The following MYH7 variants were observed in gnomAD, a reference collection of about 807,000 sequenced individuals.
The protein encoded by MYH7 is myosin heavy chain 7.
In MYH7, 129 loss-of-function variants were observed where a neutral mutation model predicts 225.4. The observed-to-expected ratio is 0.57, with a 90% confidence interval of 0.50 to 0.66. The LOEUF (loss-of-function observed/expected upper bound fraction) is 0.66, where lower values mean the gene tolerates loss of function less well. Among genes scored for constraint, MYH7 ranks in the 30% least tolerant of loss-of-function variants. MYH7 has a pLI of 0.00. For synonymous variants in MYH7, 971 were observed against 1,007.6 expected (o/e 0.96, Z 0.69); for missense variants, 1,649 against 2,517.0 (o/e 0.66, Z 7.38).
Position 23,425,633 on chromosome 14 carries a change from G to A in MYH7, c.2286+62C>T. The A allele has an allele frequency of 1.2e-6, 2 of 1,612,008 alleles. No homozygotes were observed. The highest frequency in any genetic ancestry group is 1.7e-6 in the Non-Finnish European group (2 of 1,178,752). On this transcript the variant is annotated intron_variant, in intron 20 of 39. Coordinates refer to ENST00000355349, the MANE Select transcript of MYH7 (RefSeq NM_000257.4). The surrounding 1 kb of genome is among the most constrained non-coding windows in gnomAD (Gnocchi z 4.6). ...TGCTAAGATGATTACAACAGGAAAA[G>A]CATCAGAGGAGTCAATGGAAAAGAG...
At position 23,424,766 on chromosome 14, in the gene MYH7, C is replaced by T. The variant is rs553486562; in HGVS notation, c.2679+3G>A. ...AGAGCCAACAGTAGCCCAGGAGCCTCACCGCCTGCACTTGGAGCTGCAGGT... is the reference window on the plus strand; with the variant it reads ...AGAGCCAACAGTAGCCCAGGAGCCTTACCGCCTGCACTTGGAGCTGCAGGT... On this transcript the variant is annotated splice_donor_region_variant and intron_variant, in intron 22 of 39. Coordinates refer to ENST00000355349, the MANE Select transcript of MYH7 (RefSeq NM_000257.4). 1 of 1,614,084 alleles carries T rather than the reference C, an allele frequency of 6.2e-7. No individual in the cohort carries two copies. Among genetic ancestry groups the T allele is most frequent in the Admixed American group, 1.7e-5 (1 of 60,028 alleles).
intron 33 of MYH7, 95 bp from the exon 34 acceptor site, chr14:23,416,407 A>C: frequency 7.3e-7 from 1 of 1,366,460 alleles, no homozygotes; most frequent in South Asian, 1.3e-5. Flanking sequence ...AAGTGACTTC[A>C]AGAGTGGTGT....
Position 23,433,566 on chromosome 14 carries a change from C to T in MYH7, c.167G>A (p.Gly56Asp). The T allele has an allele frequency of 6.2e-7, 1 of 1,614,198 alleles. No homozygotes were observed. The part of the protein sequence containing the change: ...FVKAKIVSRE[G>D]GKVTAETEYG... ...CTCGGTCTCGGCAGTGACTTTGCCA[C>T]CCTCTCGAGACACGATCTTGGCCTT... is the stretch of plus-strand genomic sequence containing the variant. The change falls in exon 3 of 40, where the codon GGT (glycine) becomes GAT (aspartate). Residue 56 changes from glycine (G) to aspartate (D), a missense_variant. Gly to Asp is a moderately conservative substitution (Grantham distance 94, BLOSUM62 -1). Around this residue, in one of 12 missense-constraint regions of MYH7, gnomAD observed 91 missense variants for 96.5 expected, o/e 0.94. Transcript: ENST00000355349. The surrounding 1 kb of genome is among the most constrained non-coding windows in gnomAD (Gnocchi z 4.1).
intron 29 of MYH7, among the ~76,000 whole-genome samples, chr14:23,418,891 C>T (rs1247349230): frequency 6.6e-6 from 1 of 152,218 alleles, no homozygotes; most frequent in Non-Finnish European, 1.5e-5. Context: ...TGTGCAGTCC[C>T]TACATCCCCT....
chr14:23,419,507 G>T lies in MYH7; in HGVS notation c.3829C>A (p.Arg1277=), dbSNP rs727503248. ...QRSVNDLTSQ[R]AKLQTENGEL... is the part of the protein sequence containing the mutation. ...CCATTCTCGGTTTGCAACTTGGCCC[G>T]CTGGCTGGTGAGGTCGTTGACAGAA... Residue 1277 remains arginine (R), a synonymous_variant, in exon 28 of 40, where the codon CGG becomes AGG. Coordinates refer to ENST00000355349, the MANE Select transcript of MYH7 (RefSeq NM_000257.4). 1.1e-5 allele frequency: 18 copies of T among 1,613,938 alleles called. No homozygotes were observed. The South Asian group carries it at 1.6e-4, about 15-fold the overall frequency.
chr14:23,427,495 A>G (rs1201640342), intron 16 of MYH7, 90 bp downstream of exon 16: 4 of 1,535,658 alleles, frequency 2.6e-6, no homozygotes, highest in Non-Finnish European at 3.6e-6. Context: ...ACAACCTGAC[A>G]TTGAAGTGGT....
Position 23,422,318 on chromosome 14 carries a change from C to T in MYH7, c.3107G>A (p.Gly1036Glu), listed in dbSNP as rs1000681552. The change falls in exon 25 of 40, where the codon GGA (glycine) becomes GAA (glutamate). Residue 1036 changes from glycine to glutamate, a missense_variant. This residue lies in a region of MYH7 where 282 missense variants were observed against 315.3 expected (regional missense o/e 0.89). Transcript: ENST00000355349. ...KLEQQVDDLE[G>E]SLEQEKKVRM... ...CACCTTCTTCTCTTGCTCCAGGGATCCTTCCAGCTGGTAGAGAGAAGGAGC... is the reference window on the plus strand; with the variant it reads ...CACCTTCTTCTCTTGCTCCAGGGATTCTTCCAGCTGGTAGAGAGAAGGAGC... 6.2e-6 allele frequency: 10 copies of T among 1,614,062 alleles called. No individual in the cohort carries two copies. Among genetic ancestry groups the T allele is most frequent in the Non-Finnish European group, 8.5e-6 (10 of 1,180,046 alleles).
chr14:23,430,093 T>C (rs1371000441), intron 11 of MYH7, among the ~76,000 whole-genome samples, 180 bp from the exon 12 acceptor site: 3 of 152,136 alleles, frequency 2.0e-5, no homozygotes, highest in East Asian at 3.9e-4. Context: ...AAACAAAGGA[T>C]GTAAGATGCA....
Position 23,427,690 on chromosome 14 carries a change from G to T in MYH7, c.1783C>A (p.Gln595Lys). 5 of 1,614,208 alleles carry T rather than the reference G, an allele frequency of 3.1e-6. No homozygotes were observed. The highest frequency in any genetic ancestry group is 4.2e-6 in the Non-Finnish European group (5 of 1,180,034). The stretch of plus-strand genomic sequence containing the variant: ...TCATTGAGAGGATCCTTGTTCTTCT[G>T]CAGCCAGCCAATGATGTTGTAGTCC... ...IVDYNIIGWL[Q>K]KNKDPLNETV... The change falls in exon 16 of 40, where the codon CAG becomes AAG. Residue 595 changes from glutamine (Q) to lysine (K), a missense_variant. Physicochemically the swap from Gln to Lys is moderately conservative, Grantham distance 53. Transcript: ENST00000355349.
chr14:23,418,919 G>A (rs1415275870), intron 29 of MYH7, among the ~76,000 whole-genome samples: 1 of 152,162 alleles, frequency 6.6e-6, no homozygotes, highest in Admixed American at 6.5e-5. Flanking sequence ...CCCGGGCAAG[G>A]CCATCTCGTG....
At chr14:23,418,175 G>A in intron 30 of MYH7, 35 bp downstream of exon 30, 1 of 1,613,340 alleles carries the variant, frequency 6.2e-7, no homozygotes. Flanking sequence ...CCTGCAAAGG[G>A]GCCTCAGCCA....
chr14:23,417,885 C>T, intron 30 of MYH7, 199 bp from the exon 31 acceptor site: 3 of 903,456 alleles, frequency 3.3e-6, no homozygotes, highest in Non-Finnish European at 5.5e-6. Context: ...CCCTCTGACC[C>T]TGGCCCAGCC....
intron 9 of MYH7, 148 bp downstream of exon 9, chr14:23,431,270 A>G: frequency 1.2e-6 from 1 of 844,810 alleles, no homozygotes; most frequent in Non-Finnish European, 2.0e-6. Flanking sequence ...AGAGACAGAT[A>G]TGTAGACCTG....
At chr14:23,412,968 G>C in intron 39 of MYH7, 97 bp from the exon 40 acceptor site, 1 of 1,305,656 alleles carries the variant, frequency 7.7e-7, no homozygotes, top group Admixed American at 1.8e-5. Context: ...TGATGGTGGG[G>C]GGCCTGCTTT....
At position 23,417,276 on chromosome 14, in the gene MYH7, C is replaced by A; in HGVS notation, c.4396G>T (p.Glu1466Ter). ...WKQKYEESQSELESSQKEARS... is the reference protein window; with the variant it reads ...WKQKYEESQS ...GCCTCCTTCTGCGAGGACTCCAGCT[C>A]CGACTGCGACTCCTCATACTTCTGC... Residue 1466 changes from glutamate to a stop codon, truncating the protein, a stop_gained, in exon 32 of 40, where the codon GAG becomes TAG. Coordinates refer to ENST00000355349, the MANE Select transcript of MYH7 (RefSeq NM_000257.4). LOFTEE classifies it high-confidence loss of function. 1 of 1,614,204 alleles carries A rather than the reference C, an allele frequency of 6.2e-7. No individual in the cohort carries two copies. Among genetic ancestry groups the A allele is most frequent in the Non-Finnish European group, 8.5e-7 (1 of 1,180,034 alleles).
chr14:23,421,865 A>G, intron 25 of MYH7: 1 of 805,578 alleles, frequency 1.2e-6, no homozygotes, highest in Non-Finnish European at 1.5e-6. Context: ...GCCTTCCTCC[A>G]TGTCAAGGAA....
chr14:23,417,303 T>C lies in MYH7; in HGVS notation c.4369A>G (p.Lys1457Glu). Residue 1457 changes from lysine to glutamate, a missense_variant, in exon 32 of 40, where the codon AAG becomes GAG. Physicochemically the swap from Lys to Glu is moderately conservative, Grantham distance 56 (BLOSUM62 1). Coordinates refer to ENST00000355349, the MANE Select transcript of MYH7 (RefSeq NM_000257.4). The stretch of plus-strand genomic sequence containing the variant: ...GACTGCGACTCCTCATACTTCTGCT[T>C]CCACTCGGCCAGGATCTGCCCGGGG... ...RNFDKILAEW[K>E]QKYEESQSEL... is the part of the protein sequence containing the mutation. The C allele has an allele frequency of 1.9e-6, 3 of 1,613,984 alleles. No homozygotes were observed. The highest frequency in any genetic ancestry group is 2.5e-6 in the Non-Finnish European group (3 of 1,180,020).
At chr14:23,412,952 G>A in intron 39 of MYH7, 81 bp from the exon 40 acceptor site, 1 of 1,422,080 alleles carries the variant, frequency 7.0e-7, no homozygotes, top group Non-Finnish European at 9.9e-7. Flanking sequence ...AAAGGTGAGA[G>A]GGGTCTGATG....
rs1054044570 is a variant in MYH7 at position 23,425,072 on chromosome 14, A to C, written c.2424-48T>G. 1 of 1,613,692 alleles carries C rather than the reference A, an allele frequency of 6.2e-7. No homozygotes were observed. The highest frequency in any genetic ancestry group is 8.5e-7 in the Non-Finnish European group (1 of 1,179,944). ...GTGCTGAGCCTCCTGCCTCCTTCCT[A>C]CCTGAGGTCCTGAAACCTTGGGAAT... On this transcript the variant is annotated intron_variant, in intron 21 of 39. Transcript: ENST00000355349. The surrounding 1 kb of genome is among the most constrained non-coding windows in gnomAD (Gnocchi z 4.6).
Sources: gnomAD v4.1 joint callset for allele counts (sites outside exome capture counted in the v4.1 genomes callset) on GRCh38, gnomAD v4.1.1 for gene constraint, gnomAD v4.1.1 regional missense constraint, Gnocchi (gnomAD v3.1) non-coding constraint, MANE v1.5 for transcripts, NCBI Gene and HGNC (gene_info 2026-07-23, HGNC 2026-07-21) for gene names.